The following PRKG1 variants were observed in gnomAD, a reference collection of about 807,000 sequenced individuals.
PRKG1 encodes the protein cGMP-dependent protein kinase 1.
Under a neutral mutation model 88.1 loss-of-function variants are expected in PRKG1, and 35 were observed. The ratio of observed to expected loss-of-function variants is 0.40; its 90% CI spans 0.30 to 0.53. The LOEUF (loss-of-function observed/expected upper bound fraction) is 0.53. Ranked by LOEUF, PRKG1 falls within the 20% of genes least tolerant of loss-of-function variation. The probability of loss-of-function intolerance (pLI) is 0.59; values close to 1 mark genes in which losing one functional copy is unlikely to be tolerated. For missense variants in PRKG1, 540 were observed against 839.8 expected (o/e 0.64, Z 4.41); for synonymous variants, 303 against 292.5 (o/e 1.04, Z -0.37).
chr10:51,088,235 A>G (rs1844303963), intron 1 of PRKG1, among the ~76,000 whole-genome samples: 1 of 152,164 alleles, frequency 6.6e-6, no homozygotes. Context: ...CATTTTGAAG[A>G]AACATTACCT....
intron 2 of PRKG1, among the ~76,000 whole-genome samples, chr10:51,466,436 T>C (rs1839907521): frequency 6.6e-6 from 1 of 152,122 alleles, no homozygotes; most frequent in African/African-American, 2.4e-5. Flanking sequence ...AGGAGATTTT[T>C]ATGGATTTTT....
chr10:51,680,148 C>T (rs1840814507), intron 3 of PRKG1, among the ~76,000 whole-genome samples: 1 of 152,164 alleles, frequency 6.6e-6, no homozygotes, highest in African/African-American at 2.4e-5. Context: ...GCCAATTCAC[C>T]TCAGCCTTTA....
At chr10:51,776,303 G>A (rs958567352) in intron 3 of PRKG1, among the ~76,000 whole-genome samples, 3 of 152,144 alleles carry the variant, frequency 2.0e-5, no homozygotes, top group Admixed American at 1.3e-4. Context: ...TGACTGTCTA[G>A]AATTAGAGTA....
chr10:51,471,013 G>A (rs1012056194), intron 3 of PRKG1, among the ~76,000 whole-genome samples: 12 of 151,864 alleles, frequency 7.9e-5, no homozygotes, highest in East Asian at 1.9e-4. Context: ...GAAAAAAATC[G>A]TGGTATGATT....
rs548018604 is a variant in PRKG1, at chr10:51,302,990, G to A, written c.478+149660G>A. 1.3e-3 allele frequency among the ~76,000 whole-genome samples: 203 copies of A among 152,254 alleles called. 2 individuals carry two copies. The highest frequency in any genetic ancestry group is 2.7e-3 in the Admixed American group (42 of 15,286). Reference sequence around the variant, plus strand: ...GTATTTTGGCCCTTTATAGGATAGAGAGATTAATTCCAACCAGGGAAAGAA... The same window carrying A: ...GTATTTTGGCCCTTTATAGGATAGAAAGATTAATTCCAACCAGGGAAAGAA... On this transcript the variant is annotated intron_variant, in intron 2 of 17. Transcript: ENST00000373980.
intron 8 of PRKG1, among the ~76,000 whole-genome samples, chr10:52,147,187 C>A (rs1837752305): frequency 2.0e-5 from 3 of 152,032 alleles, no homozygotes; most frequent in Admixed American, 6.6e-5. Flanking sequence ...TAAAGGCCAA[C>A]AAGGTACCTA....
intron 3 of PRKG1, among the ~76,000 whole-genome samples, chr10:51,693,766 A>C (rs1175590544): frequency 3.3e-5 from 5 of 152,200 alleles, no homozygotes; most frequent in Non-Finnish European, 7.3e-5. Flanking sequence ...TTGTAGAATA[A>C]TATCAAGAAC....
chr10:51,291,567 T>C (rs1840583604), intron 2 of PRKG1, among the ~76,000 whole-genome samples: 1 of 152,158 alleles, frequency 6.6e-6, no homozygotes, highest in Non-Finnish European at 1.5e-5. Context: ...TCATTCACTG[T>C]AACCAATGAG....
chr10:51,888,949 C>A (rs184604267), intron 4 of PRKG1, among the ~76,000 whole-genome samples: 2 of 151,994 alleles, frequency 1.3e-5, no homozygotes, highest in South Asian at 4.1e-4. Context: ...TACAAAGTAA[C>A]GTGACTGGGA....
At chr10:51,848,699 A>G (rs530639221) in intron 4 of PRKG1, among the ~76,000 whole-genome samples, 71 of 151,718 alleles carry the variant, frequency 4.7e-4, no homozygotes, top group African/African-American at 1.7e-3. Flanking sequence ...TAGAAATAAG[A>G]TCTCACGATA....
At chr10:51,505,886 G>C (rs1008695252) in intron 3 of PRKG1, among the ~76,000 whole-genome samples, 1 of 151,756 alleles carries the variant, frequency 6.6e-6, no homozygotes, top group African/African-American at 2.4e-5. Context: ...TCTTGCTAGC[G>C]GTCTATCAAT....
rs140157967 is a variant in PRKG1, at chr10:51,110,393, A to C, written c.311+35492A>C. Among the ~76,000 whole-genome samples, 455 of 152,298 alleles carry C rather than the reference A, an allele frequency of 3.0e-3. No individual in the cohort carries two copies. The Middle Eastern group carries it at 0.034, about 11-fold the overall frequency. On this transcript the variant is annotated intron_variant, in intron 1 of 17. Transcript: ENST00000373980. ...AAAAAGCAATAAGCTGCTGATGCACACTACAACCTGAATAAATTATGCTAG... is the reference window on the plus strand; with the variant it reads ...AAAAAGCAATAAGCTGCTGATGCACCCTACAACCTGAATAAATTATGCTAG...
At chr10:51,022,225 A>T (rs1419974200) in intron 1 of PRKG1, among the ~76,000 whole-genome samples, 2 of 151,978 alleles carry the variant, frequency 1.3e-5, no homozygotes, top group African/African-American at 4.8e-5. Flanking sequence ...GTTGATCATC[A>T]CTGAGCTACC....
chr10:51,583,375 C>G (rs1052952239), intron 3 of PRKG1, among the ~76,000 whole-genome samples: 3 of 152,098 alleles, frequency 2.0e-5, no homozygotes, highest in Admixed American at 6.6e-5. Flanking sequence ...CTATTTCAGA[C>G]TCGAATTCTG....
intron 7 of PRKG1, among the ~76,000 whole-genome samples, chr10:52,092,440 A>G (rs1412916282): frequency 6.6e-6 from 1 of 152,126 alleles, no homozygotes; most frequent in Non-Finnish European, 1.5e-5. Flanking sequence ...AAAAAACCCC[A>G]GTTCTGACAT....
chr10:51,625,737 G>T (rs1258366387), intron 3 of PRKG1, among the ~76,000 whole-genome samples: 1 of 148,214 alleles, frequency 6.7e-6, no homozygotes, highest in Non-Finnish European at 1.5e-5. Flanking sequence ...AAAAAAAAAA[G>T]AATATATGAA....
intron 5 of PRKG1, among the ~76,000 whole-genome samples, chr10:52,047,813 TC>T (rs1410521369): frequency 6.6e-6 from 1 of 152,114 alleles, no homozygotes; most frequent in Admixed American, 6.6e-5. Flanking sequence ...AAAAGGCAGA[TC>T]CCAATATTTT....
At chr10:52,272,348 A>G (rs1254727110) in intron 11 of PRKG1, 44 bp from the exon 12 acceptor site, 2 of 1,449,510 alleles carry the variant, frequency 1.4e-6, no homozygotes, top group Non-Finnish European at 1.9e-6. Flanking sequence ...CTTGTAAAAG[A>G]CAGTAATGTT....
intron 1 of PRKG1, among the ~76,000 whole-genome samples, chr10:51,068,260 A>C (rs1843779740): frequency 6.6e-6 from 1 of 152,162 alleles, no homozygotes; most frequent in Non-Finnish European, 1.5e-5. Context: ...GGTGATATTT[A>C]CATGCCCATT....
Sources: gnomAD v4.1 joint callset for allele counts (sites outside exome capture counted in the v4.1 genomes callset) on GRCh38, gnomAD v4.1.1 for gene constraint, MANE v1.5 for transcripts, NCBI Gene and HGNC (gene_info 2026-07-23, HGNC 2026-07-21) for gene names.